The following DAB2 variants were observed in gnomAD, a reference collection of about 807,000 sequenced individuals.
The protein encoded by DAB2 is disabled homolog 2.
In DAB2, 28 loss-of-function variants were observed where a neutral mutation model predicts 71.6. That is an observed-to-expected ratio of 0.39 (90% CI 0.29 to 0.54). The LOEUF is 0.54. DAB2 is among the 20% of genes least tolerant of loss of function. The pLI, the probability that DAB2 is intolerant of heterozygous loss-of-function variation, is 0.68. For synonymous variants in DAB2, 345 were observed against 339.7 expected, an observed-to-expected ratio of 1.02 and a Z score of -0.17; for missense variants, 867 against 928.8, an observed-to-expected ratio of 0.93 and a Z score of 0.86.
At chr5:39,391,981 AAT>A (rs1491544971) in intron 4 of DAB2, among the ~76,000 whole-genome samples, 25 of 144,486 alleles carry the variant, frequency 1.7e-4, no homozygotes, top group East Asian at 8.0e-4. Context: ...AAAAAAAAAA[AAT>A]ATATATATAT....
At chr5:39,392,960 C>T (rs916209396) in intron 3 of DAB2, among the ~76,000 whole-genome samples, 4 of 152,160 alleles carry the variant, frequency 2.6e-5, no homozygotes, top group Non-Finnish European at 4.4e-5. Flanking sequence ...AATATTTGCA[C>T]ACAGCTTTTA....
At chr5:39,415,165 T>A (rs890589630) in intron 1 of DAB2, among the ~76,000 whole-genome samples, 8 of 152,200 alleles carry the variant, frequency 5.3e-5, no homozygotes, top group Non-Finnish European at 1.2e-4. Context: ...TCTGAAGGGT[T>A]AATAACCCTC....
chr5:39,406,415 G>A (rs764288047), intron 1 of DAB2, among the ~76,000 whole-genome samples: 5 of 152,102 alleles, frequency 3.3e-5, no homozygotes, highest in African/African-American at 9.7e-5. Flanking sequence ...AACCTGCCCC[G>A]CTCACCAGAG....
rs1349355553 is a variant in DAB2, at chr5:39,377,134, A to G, written c.1653T>C (p.Ala551=). The G allele has an allele frequency of 6.2e-7, 1 of 1,614,066 alleles. No individual in the cohort carries two copies. Among genetic ancestry groups the G allele is most frequent in the Admixed American group, 1.7e-5 (1 of 60,000 alleles). ...SQPVIFGTSP[A]VSGWNQPSPF... ...GTGAAGGCTGGTTCCAACCTGAAAC[A>G]GCTGGACTTGTACCAAAAATGACGG... is the stretch of plus-strand genomic sequence containing the variant. The change falls in exon 12 of 15, where the codon GCT becomes GCC. Residue 551 remains alanine (A), a synonymous_variant. Coordinates refer to ENST00000320816, the MANE Select transcript of DAB2 (RefSeq NM_001343.4).
chr5:39,403,388 T>C (rs1755543670), intron 1 of DAB2, among the ~76,000 whole-genome samples: 1 of 152,142 alleles, frequency 6.6e-6, no homozygotes, highest in Non-Finnish European at 1.5e-5. Context: ...CAAAGCCCAT[T>C]ACATGGGGAC....
intron 12 of DAB2, among the ~76,000 whole-genome samples, 168 bp downstream of exon 12, chr5:39,376,482 A>G (rs553186319): frequency 1.3e-5 from 2 of 152,320 alleles, no homozygotes; most frequent in Admixed American, 6.5e-5. Context: ...GTAAATAGTT[A>G]TCACCAAAAG....
rs115663185 is a variant in DAB2 at position 39,423,542 on chromosome 5, T to C, written c.-102+1262A>G. Among the ~76,000 whole-genome samples the C allele has an allele frequency of 4.7e-3, 708 of 152,232 alleles. 3 individuals carry two copies. Among genetic ancestry groups the C allele is most frequent in the African/African-American group, 0.016 (669 of 41,544 alleles). ...AAGCTCCCTCCTCCCCAACAGCCAG[T>C]AGGTGCTTTTGTGTGAGAAGCCAAC... is the stretch of plus-strand genomic sequence containing the variant. On this transcript the variant is annotated intron_variant, in intron 1 of 14. Coordinates refer to ENST00000320816, the MANE Select transcript of DAB2 (RefSeq NM_001343.4).
In DAB2 at chr5:39,389,561, A is replaced by C. The variant is rs544550253; in HGVS notation, c.543+291T>G. ...AGTCTCGTTCTGTCGCCCAGGCTGG[A>C]GTGCAGTGGCACCATCTCGGCTGAC... On this transcript the variant is annotated intron_variant, in intron 6 of 14. Transcript: ENST00000320816. Among the ~76,000 whole-genome samples the C allele has an allele frequency of 2.7e-3, 409 of 152,274 alleles. 5 individuals carry two copies. Among genetic ancestry groups the C allele is most frequent in the Non-Finnish European group, 3.7e-3 (250 of 68,012 alleles).
chr5:39,396,841 C>T (rs1186673229), intron 1 of DAB2, among the ~76,000 whole-genome samples: 1 of 152,112 alleles, frequency 6.6e-6, no homozygotes, highest in African/African-American at 2.4e-5. Flanking sequence ...GTGTGGCTGT[C>T]AGAGGAAAAG....
At chr5:39,398,491 G>A (rs529477098) in intron 1 of DAB2, among the ~76,000 whole-genome samples, 1 of 151,962 alleles carries the variant, frequency 6.6e-6, no homozygotes, top group Non-Finnish European at 1.5e-5. Context: ...AAGGGACAAG[G>A]AAGAAAAAAA....
At chr5:39,401,896 G>A (rs1157409784) in intron 1 of DAB2, among the ~76,000 whole-genome samples, 3 of 152,022 alleles carry the variant, frequency 2.0e-5, no homozygotes, top group African/African-American at 7.3e-5. Flanking sequence ...GGGACTACAG[G>A]CGCCTGCCAT....
intron 4 of DAB2, among the ~76,000 whole-genome samples, chr5:39,392,021 G>T (rs1755242776): frequency 6.8e-6 from 1 of 146,158 alleles, no homozygotes; most frequent in African/African-American, 2.5e-5. Context: ...AATTATATAT[G>T]TATTTATATT....
intron 1 of DAB2, chr5:39,408,449 C>T (rs1037188641): frequency 6.6e-6 from 1 of 152,160 alleles, no homozygotes; most frequent in Non-Finnish European, 1.5e-5. Context: ...CTGATATGAT[C>T]TATTCGAGTT....
intron 9 of DAB2, 74 bp from the exon 10 acceptor site, chr5:39,383,345 A>G: frequency 8.6e-7 from 1 of 1,163,118 alleles, no homozygotes. Flanking sequence ...ATTACATAAG[A>G]TGACTAGGAT....
intron 5 of DAB2, 67 bp downstream of exon 5, chr5:39,390,377 G>T: frequency 1.3e-6 from 2 of 1,514,522 alleles, no homozygotes; most frequent in South Asian, 1.3e-5. Flanking sequence ...TCTTTTAGTT[G>T]AGTGACAGAC....
intron 1 of DAB2, chr5:39,418,250 C>T (rs1755894208): frequency 6.6e-6 from 1 of 152,164 alleles, no homozygotes; most frequent in Non-Finnish European, 1.5e-5. Flanking sequence ...AGTAGATTCA[C>T]ATTTCGTCCC....
At chr5:39,401,584 A>G (rs1359755462) in intron 1 of DAB2, among the ~76,000 whole-genome samples, 1 of 152,138 alleles carries the variant, frequency 6.6e-6, no homozygotes, top group East Asian at 1.9e-4. Context: ...CATTGGTAAA[A>G]TGAGAATATA....
chr5:39,419,483 C>T (rs1200305285), intron 1 of DAB2, among the ~76,000 whole-genome samples: 1 of 152,200 alleles, frequency 6.6e-6, no homozygotes, highest in Non-Finnish European at 1.5e-5. Flanking sequence ...TTTCAAGTTA[C>T]TTAAAGTGAA....
chr5:39,392,554 G>A lies in DAB2; in HGVS notation c.232-91C>T, dbSNP rs1252816736. On this transcript the variant is annotated intron_variant, in intron 3 of 14. Coordinates refer to ENST00000320816, the MANE Select transcript of DAB2 (RefSeq NM_001343.4). ...AAAATTTTCAAAGTCAGTCAGCTTTGTTTTCGACTTGATCTGCCATCGATG... is the reference window on the plus strand; with the variant it reads ...AAAATTTTCAAAGTCAGTCAGCTTTATTTTCGACTTGATCTGCCATCGATG... 5 of 945,178 alleles carry A rather than the reference G, an allele frequency of 5.3e-6. No homozygotes were observed. In the Admixed American group the frequency reaches 8.3e-5, roughly 16 times the overall value. 58.5% of individuals were successfully genotyped at this position (945,178 alleles called of 1,614,324 possible). A position where few individuals can be genotyped will look rare whatever the true frequency, so the allele number is the denominator to read the frequency against.
Sources: gnomAD v4.1 joint callset for allele counts (sites outside exome capture counted in the v4.1 genomes callset) on GRCh38, gnomAD v4.1.1 for gene constraint, MANE v1.5 for transcripts, NCBI Gene and HGNC (gene_info 2026-07-23, HGNC 2026-07-21) for gene names.